The following TBL1X variants were observed in gnomAD, a reference collection of about 807,000 sequenced individuals.
The protein encoded by TBL1X is transducin beta like 1 X-linked.
In TBL1X, 10 loss-of-function variants were observed where a neutral mutation model predicts 50.7. The observed-to-expected ratio is 0.20, with a 90% CI of 0.12 to 0.33. The LOEUF (loss-of-function observed/expected upper bound fraction) is 0.33, where lower values mean the gene tolerates loss of function less well. Ranked by LOEUF, TBL1X falls within the 10% of genes least tolerant of loss-of-function variation. TBL1X has a pLI of 1.00. For missense variants in TBL1X, 340 were observed against 504.4 expected, an observed-to-expected ratio of 0.67 and a Z score of 3.12; for synonymous variants, 190 against 214.7, an observed-to-expected ratio of 0.88 and a Z score of 1.01.
At chrX:9,671,828 T>C (rs2082962078) in intron 5 of TBL1X, among the ~76,000 whole-genome samples, 2 of 112,571 alleles carry the variant, frequency 1.8e-5, no homozygotes, top group East Asian at 5.6e-4. Context: ...TTGAAAAGAC[T>C]GTTTTGCTAA....
intron 7 of TBL1X, among the ~76,000 whole-genome samples, chrX:9,689,552 A>T (rs893723512): frequency 8.9e-6 from 1 of 111,887 alleles, no homozygotes; most frequent in Non-Finnish European, 1.9e-5. Context: ...TCCTCTGTGC[A>T]TGTGGCCAGA....
At chrX:9,538,475 G>T (rs755225035) in intron 2 of TBL1X, among the ~76,000 whole-genome samples, 2 of 111,999 alleles carry the variant, frequency 1.8e-5, no homozygotes, top group African/African-American at 6.5e-5. Flanking sequence ...TTTTATGTGC[G>T]CTATCCTTAA....
chrX:9,491,339 T>TATATATATATATATATATA (rs1491249258), intron 1 of TBL1X, among the ~76,000 whole-genome samples: 2 of 19,223 alleles, frequency 1.0e-4, no homozygotes, highest in Non-Finnish European at 1.8e-4. Flanking sequence ...TATATATATA[T>TATATATATATATATATATA]TTTTTTTTTT....
At chrX:9,689,401 TCA>T (rs755312130) in intron 7 of TBL1X, among the ~76,000 whole-genome samples, 7 of 112,340 alleles carry the variant, frequency 6.2e-5, no homozygotes, top group Non-Finnish European at 1.3e-4. Flanking sequence ...AATGGAAGGT[TCA>T]CAGATTGTTA....
rs1223986954 is a variant in TBL1X at position 9,693,165 on chromosome X, T to C, written c.908T>C (p.Leu303Ser). The change falls in exon 10 of 18, where the codon TTG becomes TCG. Residue 303 changes from leucine to serine, a missense_variant. Leu to Ser is a moderately radical substitution (Grantham distance 145). Coordinates refer to ENST00000645353, the MANE Select transcript of TBL1X (RefSeq NM_005647.4). The stretch of plus-strand genomic sequence containing the variant: ...GGCCCTCAGACCAATGGAACACTCT[T>C]GGCTACGGGTTCATATGACGGTTTT... ...SLDWNTNGTL[L>S]ATGSYDGFAR... The C allele has an allele frequency of 1.7e-6, 2 of 1,209,721 alleles. No homozygotes were observed. The highest frequency in any genetic ancestry group is 1.8e-5 in the African/African-American group (1 of 57,023).
intron 3 of TBL1X, among the ~76,000 whole-genome samples, chrX:9,642,099 G>T (rs2082778566): frequency 9.0e-6 from 1 of 111,708 alleles, no homozygotes. Flanking sequence ...GAGGGAAGCA[G>T]GGAGGGGATC....
chrX:9,596,107 A>G (rs745901144), intron 2 of TBL1X, among the ~76,000 whole-genome samples: 1 of 112,370 alleles, frequency 8.9e-6, no homozygotes, highest in East Asian at 2.8e-4. Context: ...ACATAAAACC[A>G]CAAGGAGATG....
intron 5 of TBL1X, among the ~76,000 whole-genome samples, chrX:9,674,791 T>C (rs1386601665): frequency 3.8e-5 from 4 of 106,364 alleles, no homozygotes; most frequent in Non-Finnish European, 1.9e-5. Context: ...TGTTGCCCAG[T>C]CTGGTGTTGA....
chrX:9,545,154 C>T (rs2082236091), intron 2 of TBL1X, among the ~76,000 whole-genome samples: 1 of 107,679 alleles, frequency 9.3e-6, no homozygotes, highest in Non-Finnish European at 1.9e-5. Context: ...TTACAGGTAC[C>T]CGCCACCACG....
chrX:9,568,232 A>G (rs1281705844), intron 2 of TBL1X, among the ~76,000 whole-genome samples: 2 of 109,346 alleles, frequency 1.8e-5, no homozygotes, highest in African/African-American at 6.7e-5. Context: ...GTGTCTGTGC[A>G]ACGTGCTGTG....
intron 2 of TBL1X, among the ~76,000 whole-genome samples, chrX:9,521,766 G>A (rs1476243924): frequency 9.0e-6 from 1 of 111,210 alleles, no homozygotes; most frequent in Non-Finnish European, 1.9e-5. Context: ...AAAAAAATCC[G>A]TGTTGTTCAA....
At chrX:9,536,705 A>G (rs1194823975) in intron 2 of TBL1X, among the ~76,000 whole-genome samples, 1 of 111,891 alleles carries the variant, frequency 8.9e-6, no homozygotes, top group Non-Finnish European at 1.9e-5. Flanking sequence ...CAAAACAGTG[A>G]ATTCTGATAA....
chrX:9,541,290 C>T (rs2082213130), intron 2 of TBL1X, among the ~76,000 whole-genome samples: 1 of 102,916 alleles, frequency 9.7e-6, no homozygotes, highest in Admixed American at 1.1e-4. Flanking sequence ...CTAGAGTTGA[C>T]CAGTTCAGCT....
chrX:9,519,546 A>G (rs2082097113), intron 2 of TBL1X, among the ~76,000 whole-genome samples: 1 of 112,532 alleles, frequency 8.9e-6, no homozygotes, highest in South Asian at 3.6e-4. Flanking sequence ...TGAGGAAGTA[A>G]CAAAAGAAGA....
chrX:9,713,522 G>C (rs2083261315), intron 16 of TBL1X, among the ~76,000 whole-genome samples: 1 of 100,166 alleles, frequency 1.0e-5, no homozygotes, highest in African/African-American at 3.8e-5. Flanking sequence ...CTGCCTCCCG[G>C]GTTTGAGCGA....
chrX:9,520,755 G>A (rs2082102905), intron 2 of TBL1X, among the ~76,000 whole-genome samples: 1 of 105,739 alleles, frequency 9.5e-6, no homozygotes, highest in Non-Finnish European at 2.0e-5. Context: ...CTGGTGTGGG[G>A]GAAGGATTTT....
chrX:9,653,135 G>A (rs762001406), intron 3 of TBL1X, among the ~76,000 whole-genome samples: 5 of 112,885 alleles, frequency 4.4e-5, no homozygotes, highest in Admixed American at 1.9e-4. Flanking sequence ...ACTGCACTCC[G>A]GCCTGGCAAC....
chrX:9,699,753 A>G (rs944493240), intron 12 of TBL1X, among the ~76,000 whole-genome samples: 12 of 111,681 alleles, frequency 1.1e-4, no homozygotes, highest in African/African-American at 3.6e-4. Context: ...GGGACTCCTC[A>G]TACAGGCAGC....
At chrX:9,535,339 G>C (rs948199182) in intron 2 of TBL1X, among the ~76,000 whole-genome samples, 2 of 112,683 alleles carry the variant, frequency 1.8e-5, no homozygotes, top group Non-Finnish European at 3.7e-5. Context: ...TGTTTATAGA[G>C]GGAAGGAAAT....
Sources: allele counts gnomAD v4.1 joint callset (sites outside exome capture counted in the v4.1 genomes callset), GRCh38; gene constraint gnomAD v4.1.1; transcripts MANE v1.5; gene names NCBI Gene and HGNC (gene_info 2026-07-23, HGNC 2026-07-21).